Variants in CRACD observed in about 807,000 individuals in gnomAD.
CRACD encodes capping protein-inhibiting regulator of actin dynamics.
Under a neutral mutation model 106.8 loss-of-function variants are expected in CRACD, and 56 were observed. That is an observed-to-expected ratio of 0.52 (90% CI 0.42 to 0.66). The LOEUF is 0.66. CRACD is among the 30% of genes least tolerant of loss of function. The probability of loss-of-function intolerance (pLI) is 0.00; values close to 1 mark genes in which losing one functional copy is unlikely to be tolerated. For missense variants in CRACD, 1,730 were observed against 1,623.2 expected (o/e 1.07, Z -1.13); for synonymous variants, 754 against 670.8 (o/e 1.12, Z -1.92).
chr4:56,261,636 C>T (rs546553345), intron 2 of CRACD, among the ~76,000 whole-genome samples: 2 of 152,252 alleles, frequency 1.3e-5, no homozygotes, highest in South Asian at 4.1e-4. Flanking sequence ...AGGCATGAGC[C>T]ACCACACCTG....
chr4:56,095,899 T>G (rs775041085), intron 1 of CRACD, among the ~76,000 whole-genome samples: 13 of 152,158 alleles, frequency 8.5e-5, no homozygotes, highest in Non-Finnish European at 1.6e-4. Flanking sequence ...GAGATATGGT[T>G]TTTATATATT....
intron 2 of CRACD, among the ~76,000 whole-genome samples, chr4:56,189,029 CAA>C (rs1221374044): frequency 6.6e-6 from 1 of 152,092 alleles, no homozygotes; most frequent in Non-Finnish European, 1.5e-5. Flanking sequence ...ACTAAAAATA[CAA>C]AAATTAGCCA....
chr4:56,070,273 T>G (rs1249804937), intron 1 of CRACD, among the ~76,000 whole-genome samples: 1 of 149,684 alleles, frequency 6.7e-6, no homozygotes, highest in African/African-American at 2.5e-5. Context: ...TCCTTCCACT[T>G]CCTCTCTCCC....
chr4:56,139,436 G>T (rs1307182910), intron 1 of CRACD, among the ~76,000 whole-genome samples: 1 of 151,856 alleles, frequency 6.6e-6, no homozygotes, highest in Non-Finnish European at 1.5e-5. Flanking sequence ...CCTTTCTACT[G>T]CATCCCCAGA....
At chr4:56,327,518 C>A in intron 10 of CRACD, 126 bp from the exon 11 acceptor site, 2 of 810,950 alleles carry the variant, frequency 2.5e-6, no homozygotes, top group Non-Finnish European at 2.0e-6. Flanking sequence ...TATTTCAAAA[C>A]AATGTTGTAC....
chr4:56,143,957 T>C (rs1735290571), intron 1 of CRACD, among the ~76,000 whole-genome samples: 1 of 152,118 alleles, frequency 6.6e-6, no homozygotes, highest in Non-Finnish European at 1.5e-5. Context: ...GAGGGAAATA[T>C]ATGGCGTGTG....
At chr4:56,053,314 G>A (rs1391203543) in intron 1 of CRACD, among the ~76,000 whole-genome samples, 1 of 151,898 alleles carries the variant, frequency 6.6e-6, no homozygotes, top group Non-Finnish European at 1.5e-5. Context: ...AGCGTTTTTT[G>A]TTTTTTGGTT....
At chr4:56,322,275 G>A (rs1186149867) in intron 8 of CRACD, among the ~76,000 whole-genome samples, 1 of 152,168 alleles carries the variant, frequency 6.6e-6, no homozygotes, top group Admixed American at 6.5e-5. Context: ...AACCCAATAA[G>A]ACATTATCAT....
At chr4:56,279,822 G>A (rs574618514) in intron 3 of CRACD, among the ~76,000 whole-genome samples, 63 of 152,084 alleles carry the variant, frequency 4.1e-4, no homozygotes, top group African/African-American at 1.2e-3. Context: ...TAAATCATGC[G>A]GCTCTAAAGA....
intron 1 of CRACD, among the ~76,000 whole-genome samples, chr4:56,146,791 A>G (rs1315961053): frequency 2.6e-5 from 4 of 152,222 alleles, no homozygotes; most frequent in East Asian, 3.9e-4. Flanking sequence ...GGCTTTTGCA[A>G]CTATCATTGT....
intron 1 of CRACD, among the ~76,000 whole-genome samples, chr4:56,050,891 G>C (rs557250690): frequency 6.6e-6 from 1 of 152,148 alleles, no homozygotes; most frequent in African/African-American, 2.4e-5. Context: ...AGTACTTACC[G>C]ACCACTGAAT....
intron 3 of CRACD, among the ~76,000 whole-genome samples, chr4:56,285,015 A>G (rs1032218834): frequency 6.6e-6 from 1 of 152,212 alleles, no homozygotes; most frequent in African/African-American, 2.4e-5. Context: ...ACGGTTCCAC[A>G]AGCTTAACAG....
intron 1 of CRACD, among the ~76,000 whole-genome samples, chr4:56,134,682 T>G (rs1734939819): frequency 2.0e-5 from 3 of 152,196 alleles, no homozygotes; most frequent in Admixed American, 1.3e-4. Flanking sequence ...GAGTAGACTG[T>G]GGGCAGAGGT....
chr4:56,148,928 G>T (rs2109887569), intron 1 of CRACD, among the ~76,000 whole-genome samples: 1 of 151,710 alleles, frequency 6.6e-6, no homozygotes, highest in African/African-American at 2.4e-5. Flanking sequence ...CAATTCTCCT[G>T]CCTCAACCTC....
At chr4:56,159,732 G>GTCTCA (rs1396970781) in intron 1 of CRACD, among the ~76,000 whole-genome samples, 3 of 152,150 alleles carry the variant, frequency 2.0e-5, no homozygotes, top group African/African-American at 7.2e-5. Flanking sequence ...AGTACCTACA[G>GTCTCA]TCTCATCTCC....
At chr4:56,074,254 C>T (rs71601617) in intron 1 of CRACD, among the ~76,000 whole-genome samples, 54,191 of 151,848 alleles carry the variant, frequency 0.36, 10,207 homozygotes, top group African/African-American at 0.48. Context: ...ACAATAGCAT[C>T]GAATCTATAA....
At chr4:56,296,233 G>T (rs1020795659) in intron 3 of CRACD, among the ~76,000 whole-genome samples, 1 of 152,018 alleles carries the variant, frequency 6.6e-6, no homozygotes, top group Admixed American at 6.6e-5. Flanking sequence ...CTTCAATTTG[G>T]ATGTCTTTAT....
chr4:56,325,780 G>A (rs997107488), intron 10 of CRACD, among the ~76,000 whole-genome samples: 4 of 152,160 alleles, frequency 2.6e-5, no homozygotes, highest in East Asian at 3.8e-4. Flanking sequence ...CCCAAAGGGC[G>A]TCTAATCTCT....
intron 3 of CRACD, among the ~76,000 whole-genome samples, chr4:56,276,954 C>T (rs750713159): frequency 2.0e-5 from 3 of 152,150 alleles, no homozygotes; most frequent in Non-Finnish European, 4.4e-5. Flanking sequence ...AATATGAGCT[C>T]ACTTGGACTG....
Sources: gnomAD v4.1 joint callset for allele counts (sites outside exome capture counted in the v4.1 genomes callset) on GRCh38, gnomAD v4.1.1 for gene constraint, MANE v1.5 for transcripts, NCBI Gene and HGNC (gene_info 2026-07-23, HGNC 2026-07-21) for gene names.